The following MTM1 variants were observed in gnomAD, a reference collection of about 807,000 sequenced individuals.
The protein encoded by MTM1 is myotubularin.
A neutral mutation model predicts 52.1 loss-of-function variants in MTM1; 9 were observed. That is an observed-to-expected ratio of 0.17 (90% CI 0.10 to 0.30). MTM1 has a LOEUF of 0.30. Among genes scored for constraint, MTM1 ranks in the 10% least tolerant of loss-of-function variants. The probability of loss-of-function intolerance (pLI) is 1.00; values close to 1 mark genes in which losing one functional copy is unlikely to be tolerated. For missense variants in MTM1, 277 were observed against 470.7 expected (o/e 0.59, Z 3.81); for synonymous variants, 136 against 163.8 (o/e 0.83, Z 1.29).
intron 3 of MTM1, 94 bp from the exon 4 acceptor site, chrX:150,598,498 T>C: frequency 1.8e-6 from 1 of 541,879 alleles, no homozygotes; most frequent in South Asian, 2.7e-5. Context: ...TTGTAGTTAT[T>C]CTTAGCTGAA....
intron 7 of MTM1, 115 bp downstream of exon 7, chrX:150,639,141 C>G (rs2039805983): frequency 1.6e-6 from 1 of 625,796 alleles, no homozygotes; most frequent in South Asian, 2.2e-5. Flanking sequence ...AATATCTTTT[C>G]AATGGTGGTG....
upstream of MTM1, among the ~76,000 whole-genome samples, chrX:150,564,091 C>T (rs1294295158): frequency 2.7e-5 from 3 of 111,473 alleles, no homozygotes; most frequent in Admixed American, 9.5e-5. Context: ...ATCCCCCACC[C>T]ACCTCTAGGC....
chrX:150,625,615 T>C (rs222388), intron 6 of MTM1, among the ~76,000 whole-genome samples: 25,259 of 111,334 alleles, frequency 0.23, 3,522 homozygotes, highest in African/African-American at 0.53. Context: ...TTTTCCATGT[T>C]TTTCTTTCCA....
intron 10 of MTM1, among the ~76,000 whole-genome samples, chrX:150,653,368 C>T (rs2040059707): frequency 8.9e-6 from 1 of 111,872 alleles, no homozygotes; most frequent in Non-Finnish European, 1.9e-5. Flanking sequence ...ATGAAATCTC[C>T]CTCTGCCTCT....
chrX:150,585,854 A>G (rs782187609), intron 1 of MTM1, among the ~76,000 whole-genome samples: 1 of 112,184 alleles, frequency 8.9e-6, no homozygotes, highest in Non-Finnish European at 1.9e-5. Context: ...CAATTTATGA[A>G]TAATTTCTAA....
At chrX:150,644,742 C>T (rs939968414) in intron 8 of MTM1, among the ~76,000 whole-genome samples, 2 of 110,942 alleles carry the variant, frequency 1.8e-5, no homozygotes, top group Non-Finnish European at 3.8e-5. Flanking sequence ...TTCAGGCCAC[C>T]GAGCAACCCT....
In MTM1 at chrX:150,671,507, A is replaced by G. The variant is rs1347335331; in HGVS notation, c.1724A>G (p.Gln575Arg). Residue 575 changes from glutamine (Q) to arginine (R), a missense_variant, in exon 15 of 15, where the codon CAG becomes CGG. Coordinates refer to ENST00000370396, the MANE Select transcript of MTM1 (RefSeq NM_000252.3). The stretch of plus-strand genomic sequence containing the variant: ...TACATAAAGCGGCTTGAGGAACTGC[A>G]GCTCGCCAACTCTGCCAAGCTTTCT... The part of the protein sequence containing the change: ...DEYIKRLEEL[Q>R]LANSAKLSDP... 1.2e-5 allele frequency: 14 copies of G among 1,208,938 alleles called. No individual in the cohort carries two copies. The highest frequency in any genetic ancestry group is 1.8e-5 in the African/African-American group (1 of 56,828).
intron 2 of MTM1, among the ~76,000 whole-genome samples, chrX:150,595,057 AAC>A (rs1457339840): frequency 2.7e-5 from 3 of 111,528 alleles, no homozygotes; most frequent in Admixed American, 9.5e-5. Context: ...GAAAAAAAAA[AAC>A]ATTAAAGATT....
intron 4 of MTM1, among the ~76,000 whole-genome samples, chrX:150,606,450 C>T (rs1490550174): frequency 9.0e-6 from 1 of 111,582 alleles, no homozygotes; most frequent in African/African-American, 3.3e-5. Flanking sequence ...CAGAAAGGGT[C>T]TCATCGCTGC....
rs587783753 is a variant in MTM1 at position 150,596,543 on chromosome X, C to G, written c.109C>G (p.Arg37Gly). ...TCGAGATCTCACTGAGGCTGTTCCT[C>G]GACTTCCAGGAGAAACACTAATCAC... is the stretch of plus-strand genomic sequence containing the variant. ...VNRDLTEAVP[R>G]LPGETLITDK... is the part of the protein sequence containing the mutation. The change falls in exon 3 of 15, where the codon CGA (arginine) becomes GGA (glycine). Residue 37 changes from arginine (R) to glycine (G), a missense_variant. Coordinates refer to ENST00000370396, the MANE Select transcript of MTM1 (RefSeq NM_000252.3). 2 of 1,209,432 alleles carry G rather than the reference C, an allele frequency of 1.7e-6. No homozygotes were observed. Among genetic ancestry groups the G allele is most frequent in the Non-Finnish European group, 2.2e-6 (2 of 893,988 alleles).
At chrX:150,653,494 G>A (rs1231143088) in intron 10 of MTM1, among the ~76,000 whole-genome samples, 2 of 112,191 alleles carry the variant, frequency 1.8e-5, no homozygotes, top group Non-Finnish European at 3.8e-5. Context: ...ACCATGTGAG[G>A]TAGTATACAC....
intron 6 of MTM1, among the ~76,000 whole-genome samples, chrX:150,630,805 C>T (rs1268155353): frequency 8.9e-6 from 1 of 111,765 alleles, no homozygotes; most frequent in East Asian, 2.8e-4. Flanking sequence ...GATAACAGGA[C>T]TCACTGGACT....
In MTM1 at chrX:150,592,591, G is replaced by T. The variant is rs782457173; in HGVS notation, c.-10-14G>T. 6.9e-6 allele frequency: 8 copies of T among 1,156,653 alleles called. No individual in the cohort carries two copies. In the South Asian group the frequency reaches 7.2e-5, roughly 10 times the overall value. On this transcript the variant is annotated splice_polypyrimidine_tract_variant and intron_variant, in intron 1 of 14. Transcript: ENST00000370396. ...ACAAATTCAGTTGATATTGAATGTT[G>T]TGTTTCTTGGTAGAGTTTCCAGGAT...
At chrX:150,593,727 A>T (rs1435336184) in intron 2 of MTM1, among the ~76,000 whole-genome samples, 3 of 111,905 alleles carry the variant, frequency 2.7e-5, no homozygotes, top group Non-Finnish European at 5.6e-5. Context: ...GCACTTTAGG[A>T]GGCCAAGGTG....
intron 9 of MTM1, among the ~76,000 whole-genome samples, 172 bp downstream of exon 9, chrX:150,646,043 A>G (rs782652590): frequency 8.9e-6 from 1 of 112,450 alleles, no homozygotes; most frequent in South Asian, 3.7e-4. Flanking sequence ...AAAATTGAAT[A>G]TATCAAAATC....
At chrX:150,624,225 A>G (rs1885099237) in intron 6 of MTM1, among the ~76,000 whole-genome samples, 1 of 112,006 alleles carries the variant, frequency 8.9e-6, no homozygotes, top group African/African-American at 3.2e-5. Context: ...TAACATTTCT[A>G]TTTTGGCCAA....
In MTM1 at chrX:150,660,487, G is replaced by A; in HGVS notation, c.1467+3G>A. ...GTGAATCTGCTCGAGAAAGACAGGTGAGTTAAAATGCTATTTTTTTTGATA... is the reference window on the plus strand; with the variant it reads ...GTGAATCTGCTCGAGAAAGACAGGTAAGTTAAAATGCTATTTTTTTTGATA... On this transcript the variant is annotated splice_donor_region_variant and intron_variant, in intron 13 of 14. Transcript: ENST00000370396. The A allele has an allele frequency of 6.2e-6, 7 of 1,125,649 alleles. No individual in the cohort carries two copies. The highest frequency in any genetic ancestry group is 8.6e-6 in the Non-Finnish European group (7 of 817,617). The allele number at this position is 1,125,649 out of a possible 1,213,427, so 92.8% of individuals were successfully genotyped here.
At chrX:150,567,833 C>A (rs2148389377), upstream of MTM1, among the ~76,000 whole-genome samples, 1 of 112,531 alleles carries the variant, frequency 8.9e-6, no homozygotes, top group East Asian at 2.8e-4. Flanking sequence ...GGATTACAGG[C>A]GTGAGCCACC....
At chrX:150,573,670 T>C (rs2038417398) in intron 1 of MTM1, among the ~76,000 whole-genome samples, 1 of 111,821 alleles carries the variant, frequency 8.9e-6, no homozygotes, top group African/African-American at 3.3e-5. Flanking sequence ...TAAGGTAGAT[T>C]CTTAGCATCA....
Sources: gnomAD v4.1 joint callset for allele counts (sites outside exome capture counted in the v4.1 genomes callset) on GRCh38, gnomAD v4.1.1 for gene constraint, MANE v1.5 for transcripts, NCBI Gene and HGNC (gene_info 2026-07-23, HGNC 2026-07-21) for gene names.